The following PPP2R3A variants were observed in gnomAD, a reference collection of about 807,000 sequenced individuals.
PPP2R3A encodes the protein serine/threonine-protein phosphatase 2A regulatory subunit B'' subunit alpha.
Under a neutral mutation model 106.9 loss-of-function variants are expected in PPP2R3A, and 80 were observed. That is an observed-to-expected ratio of 0.75 (90% CI 0.62 to 0.90). The LOEUF (loss-of-function observed/expected upper bound fraction) is 0.90, where lower values mean the gene tolerates loss of function less well. Among genes scored for constraint, PPP2R3A ranks in the 40% least tolerant of loss-of-function variants. The pLI is 0.00. For synonymous variants in PPP2R3A, 483 were observed against 468.3 expected (o/e 1.03, Z -0.41); for missense variants, 1,386 against 1,350.4 (o/e 1.03, Z -0.41).
intron 13 of PPP2R3A, 108 bp downstream of exon 13, chr3:136,106,430 G>A: frequency 1.1e-6 from 1 of 926,534 alleles, no homozygotes; most frequent in Non-Finnish European, 1.6e-6. Flanking sequence ...TTTTTGAATA[G>A]CATAAAAATG....
chr3:136,140,062 ATTGT>A (rs1264138854), intron 13 of PPP2R3A, among the ~76,000 whole-genome samples: 9 of 151,890 alleles, frequency 5.9e-5, no homozygotes, highest in Admixed American at 2.0e-4. Context: ...TTTCTAGTAA[ATTGT>A]TTGTGAACCC....
intron 2 of PPP2R3A, among the ~76,000 whole-genome samples, chr3:136,011,174 T>C (rs866175817): frequency 4.6e-5 from 7 of 152,252 alleles, no homozygotes; most frequent in Middle Eastern, 6.8e-3. Flanking sequence ...GCCCTAAAAA[T>C]TTCATGCACA....
chr3:136,110,177 G>C (rs904169094), intron 13 of PPP2R3A, among the ~76,000 whole-genome samples: 5 of 152,136 alleles, frequency 3.3e-5, no homozygotes, highest in Non-Finnish European at 5.9e-5. Context: ...AGTGAGAACA[G>C]AAGCAGCAGT....
At chr3:136,062,483 G>A (rs562286962) in intron 5 of PPP2R3A, among the ~76,000 whole-genome samples, 11 of 150,638 alleles carry the variant, frequency 7.3e-5, no homozygotes, top group Non-Finnish European at 1.5e-4. Context: ...TAGCACTTTG[G>A]GAGGCCAAGG....
intron 1 of PPP2R3A, among the ~76,000 whole-genome samples, chr3:135,974,889 T>A (rs1243031019): frequency 6.6e-6 from 1 of 152,226 alleles, no homozygotes; most frequent in Non-Finnish European, 1.5e-5. Flanking sequence ...AATGGAAATG[T>A]CATTAAGGGC....
chr3:136,024,887 A>T (rs1934592639), intron 2 of PPP2R3A, among the ~76,000 whole-genome samples: 1 of 152,158 alleles, frequency 6.6e-6, no homozygotes, highest in Non-Finnish European at 1.5e-5. Flanking sequence ...GAATAATAAT[A>T]ATTTATTGAC....
At chr3:136,057,719 G>C (rs1353186908) in intron 5 of PPP2R3A, among the ~76,000 whole-genome samples, 1 of 152,042 alleles carries the variant, frequency 6.6e-6, no homozygotes, top group Admixed American at 6.6e-5. Flanking sequence ...ATCACTATCA[G>C]AGAAAAGCAA....
At chr3:135,993,272 G>T (rs908534522) in intron 1 of PPP2R3A, among the ~76,000 whole-genome samples, 1 of 152,012 alleles carries the variant, frequency 6.6e-6, no homozygotes, top group Admixed American at 6.6e-5. Context: ...CTTCACAAAA[G>T]AAGATATATA....
rs543733794 is a variant in PPP2R3A, at chr3:136,079,049, A to G, written c.2631+596A>G. 151 of 334,990 alleles carry G rather than the reference A, an allele frequency of 4.5e-4. 4 individuals carry two copies. Among genetic ancestry groups the G allele is most frequent in the South Asian group, 3.6e-3 (151 of 42,008 alleles). 20.8% of individuals were successfully genotyped at this position (334,990 alleles called of 1,614,324 possible). On this transcript the variant is annotated intron_variant, in intron 7 of 13. Transcript: ENST00000264977. ...AAGTGAAATTGTTCACACTTGGAAG[A>G]AAATGAAATGTTTTATTTTTAAGAA... is the stretch of plus-strand genomic sequence containing the variant.
Position 136,002,996 on chromosome 3 carries a change from T to C in PPP2R3A, c.1498T>C (p.Phe500Leu). The change falls in exon 2 of 14, where the codon TTT becomes CTT. Residue 500 changes from phenylalanine (F) to leucine (L), a missense_variant. Physicochemically the swap from Phe to Leu is conservative, Grantham distance 22 (BLOSUM62 0). Coordinates refer to ENST00000264977, the MANE Select transcript of PPP2R3A (RefSeq NM_002718.5). ...SKFEEGDQRD[F>L]TNSSSQEEID... ...ATTTGAAGAGGGAGACCAGAGAGAT[T>C]TTACAAATTCCAGTAGCCAGGAAGA... 6.2e-7 allele frequency: 1 copy of C among 1,613,642 alleles called. No homozygotes were observed. The highest frequency in any genetic ancestry group is 1.7e-5 in the Admixed American group (1 of 59,940).
intron 8 of PPP2R3A, among the ~76,000 whole-genome samples, chr3:136,083,977 G>C (rs879892026): frequency 1.3e-5 from 2 of 152,206 alleles, no homozygotes; most frequent in Non-Finnish European, 2.9e-5. Flanking sequence ...TAAAAGTTTG[G>C]AAAATTTGCT....
intron 2 of PPP2R3A, among the ~76,000 whole-genome samples, chr3:136,023,718 T>A (rs1346530068): frequency 6.6e-6 from 1 of 152,136 alleles, no homozygotes; most frequent in African/African-American, 2.4e-5. Flanking sequence ...TGTGTATGTG[T>A]GTGTCGTAAT....
chr3:136,065,045 ATAT>A (rs2107896712), intron 5 of PPP2R3A, among the ~76,000 whole-genome samples: 1 of 152,316 alleles, frequency 6.6e-6, no homozygotes, highest in Admixed American at 6.5e-5. Context: ...GGATGGGTTG[ATAT>A]TATCCTATGT....
intron 7 of PPP2R3A, among the ~76,000 whole-genome samples, chr3:136,081,787 C>T (rs1353460505): frequency 2.0e-5 from 3 of 152,122 alleles, no homozygotes. Flanking sequence ...TGCCAGGCCA[C>T]CATGTATCAT....
At chr3:136,055,652 C>T (rs1935836210) in intron 5 of PPP2R3A, 14 of 1,249,844 alleles carry the variant, frequency 1.1e-5, no homozygotes, top group Non-Finnish European at 1.6e-5. Flanking sequence ...GTACTTGATA[C>T]AGAGGTTGTT....
At chr3:136,131,670 C>G (rs1938422925) in intron 13 of PPP2R3A, among the ~76,000 whole-genome samples, 1 of 152,150 alleles carries the variant, frequency 6.6e-6, no homozygotes, top group African/African-American at 2.4e-5. Flanking sequence ...TGGGTATATA[C>G]CCAAAGGATT....
intron 7 of PPP2R3A, 66 bp from the exon 8 acceptor site, chr3:136,082,199 G>T (rs1936798487): frequency 3.0e-6 from 4 of 1,351,954 alleles, no homozygotes; most frequent in Non-Finnish European, 4.1e-6. Flanking sequence ...AAATTCGCTA[G>T]ACTCTGCACA....
At chr3:135,975,423 G>T (rs892625526) in intron 1 of PPP2R3A, among the ~76,000 whole-genome samples, 2 of 152,116 alleles carry the variant, frequency 1.3e-5, no homozygotes, top group Non-Finnish European at 2.9e-5. Flanking sequence ...ATCTGGAATG[G>T]TGTCTGTTCT....
At chr3:136,107,649 G>A (rs1424947179) in intron 13 of PPP2R3A, among the ~76,000 whole-genome samples, 2 of 151,910 alleles carry the variant, frequency 1.3e-5, no homozygotes, top group Non-Finnish European at 2.9e-5. Flanking sequence ...TTTTGAGGGT[G>A]CTGAACAAGC....
Sources: gnomAD v4.1 joint callset for allele counts (sites outside exome capture counted in the v4.1 genomes callset) on GRCh38, gnomAD v4.1.1 for gene constraint, MANE v1.5 for transcripts, NCBI Gene and HGNC (gene_info 2026-07-23, HGNC 2026-07-21) for gene names.